The following CBL variants were observed in gnomAD, a reference collection of about 807,000 sequenced individuals.
The protein encoded by CBL is E3 ubiquitin-protein ligase CBL.
In CBL, 45 loss-of-function variants were observed where a neutral mutation model predicts 96.9. The observed-to-expected ratio is 0.46, with a 90% CI of 0.37 to 0.60. CBL has a LOEUF of 0.60. CBL is among the 20% of genes least tolerant of loss of function. CBL has a pLI of 0.00. For missense variants in CBL, 1,024 were observed against 1,143.5 expected (o/e 0.90, Z 1.51); for synonymous variants, 420 against 426.8 (o/e 0.98, Z 0.20).
chr11:119,306,076 T>C lies in CBL; in HGVS notation c.*6295T>C. The C allele has an allele frequency of 2.6e-6, 1 of 388,856 alleles. No homozygotes were observed. 24.1% of individuals were successfully genotyped at this position (388,856 alleles called of 1,614,324 possible). ...TTGGTTCCAGTGGGAAATACCAGTA[T>C]TTCTTGGTTCTGGAAAGTAGCAAAA... On this transcript the variant is annotated 3_prime_UTR_variant, in exon 16 of 16. Transcript: ENST00000264033.
intron 1 of CBL, among the ~76,000 whole-genome samples, chr11:119,223,668 C>A (rs576159583): frequency 1.3e-5 from 2 of 151,900 alleles, no homozygotes; most frequent in South Asian, 4.2e-4. Context: ...CTCTCTGTTG[C>A]CAGGCTGGAG....
Position 119,217,648 on chromosome 11 carries a change from G to C in CBL, c.195+11036G>C, listed in dbSNP as rs531038240. On this transcript the variant is annotated intron_variant, in intron 1 of 15. Transcript: ENST00000264033. ...GTACCAGACTTGATATAGGAAGGCT[G>C]TATGCCACAGTTGCTTTTATTTTGG... is the stretch of plus-strand genomic sequence containing the variant. 1.1e-4 allele frequency among the ~76,000 whole-genome samples: 17 copies of C among 152,228 alleles called. No homozygotes were observed. In the East Asian group the frequency reaches 3.3e-3, roughly 29 times the overall value.
chr11:119,283,304 T>A (rs1949952434), intron 9 of CBL, among the ~76,000 whole-genome samples: 1 of 152,250 alleles, frequency 6.6e-6, no homozygotes, highest in African/African-American at 2.4e-5. Context: ...CCCGTTATCT[T>A]AAGCATGTGG....
intron 2 of CBL, among the ~76,000 whole-genome samples, chr11:119,254,335 T>C: frequency 6.6e-6 from 1 of 152,228 alleles, no homozygotes. Flanking sequence ...AACCATGTAT[T>C]GCTAACGACA....
intron 1 of CBL, among the ~76,000 whole-genome samples, chr11:119,214,286 G>A (rs1384656041): frequency 2.6e-5 from 4 of 151,264 alleles, no homozygotes; most frequent in Admixed American, 6.6e-5. Flanking sequence ...TGTCACCCAG[G>A]CTGGCGTACA....
intron 2 of CBL, among the ~76,000 whole-genome samples, chr11:119,261,359 G>A (rs1949752561): frequency 6.6e-6 from 1 of 152,004 alleles, no homozygotes; most frequent in Admixed American, 6.6e-5. Context: ...ATTTGTTCAG[G>A]GAAATGCTAT....
intron 2 of CBL, among the ~76,000 whole-genome samples, chr11:119,254,051 A>G (rs1208067316): frequency 6.7e-6 from 1 of 150,300 alleles, no homozygotes; most frequent in Non-Finnish European, 1.5e-5. Flanking sequence ...GAAAGGGGAA[A>G]GTGTTATCAA....
rs2135301576 is a variant in CBL, at chr11:119,276,099, C to T, written c.972C>T (p.Leu324=). 2 of 1,614,030 alleles carry T rather than the reference C, an allele frequency of 1.2e-6. No individual in the cohort carries two copies. The highest frequency in any genetic ancestry group is 1.7e-6 in the Non-Finnish European group (2 of 1,179,938). ...ILQTIPHNKP[L]FQALIDGFRE... ...AGACAATCCCTCACAATAAACCTCT[C>T]TTCCAAGCACTGATTGATGGCTTCA... Residue 324 remains leucine (L), a synonymous_variant, in exon 6 of 16, where the codon CTC becomes CTT. Transcript: ENST00000264033.
intron 4 of CBL, 62 bp downstream of exon 4, chr11:119,274,086 TTTTTTTTTTTTTAAA>T: frequency 7.8e-7 from 1 of 1,275,398 alleles, no homozygotes; most frequent in Non-Finnish European, 1.1e-6. Context: ...GAAAGCTTTT[TTTTTTTTTTTTTAAA>T]TAACATTTGG....
chr11:119,287,067 A>C (rs999962234), intron 11 of CBL, among the ~76,000 whole-genome samples: 2 of 152,206 alleles, frequency 1.3e-5, no homozygotes, highest in Non-Finnish European at 2.9e-5. Context: ...AGGAAAAAGC[A>C]AGTGAGTTTG....
At chr11:119,229,609 A>C (rs960377795) in intron 1 of CBL, among the ~76,000 whole-genome samples, 2 of 152,148 alleles carry the variant, frequency 1.3e-5, no homozygotes, top group Admixed American at 6.6e-5. Context: ...TTTTTCTCAA[A>C]AACAACAACA....
At chr11:119,214,833 G>T (rs1290024170) in intron 1 of CBL, among the ~76,000 whole-genome samples, 1 of 150,222 alleles carries the variant, frequency 6.7e-6, no homozygotes, top group African/African-American at 2.5e-5. Context: ...TAGGACCAAG[G>T]CTTTGTCTTA....
intron 2 of CBL, among the ~76,000 whole-genome samples, chr11:119,257,934 A>G (rs994226287): frequency 5.3e-5 from 8 of 152,132 alleles, no homozygotes; most frequent in Non-Finnish European, 4.4e-5. Context: ...CTGCCATAAA[A>G]AAATACTTGT....
At chr11:119,264,892 T>A in intron 2 of CBL, among the ~76,000 whole-genome samples, 1 of 152,194 alleles carries the variant, frequency 6.6e-6, no homozygotes, top group East Asian at 1.9e-4. Flanking sequence ...TATTATTATT[T>A]TTTTAAGACA....
At chr11:119,290,945 T>TG (rs1950022642) in intron 12 of CBL, among the ~76,000 whole-genome samples, 1 of 152,104 alleles carries the variant, frequency 6.6e-6, no homozygotes, top group Non-Finnish European at 1.5e-5. Flanking sequence ...CCCAAGGTGC[T>TG]GGGATTTATA....
At chr11:119,284,338 C>T (rs1333684437) in intron 9 of CBL, among the ~76,000 whole-genome samples, 1 of 152,068 alleles carries the variant, frequency 6.6e-6, no homozygotes, top group Non-Finnish European at 1.5e-5. Context: ...CAGGCTCTTG[C>T]TCTGTTGCCC....
At chr11:119,226,595 C>T (rs1337925594) in intron 1 of CBL, among the ~76,000 whole-genome samples, 3 of 151,898 alleles carry the variant, frequency 2.0e-5, no homozygotes, top group African/African-American at 7.3e-5. Context: ...GTAGCTGGGA[C>T]TCCAGGTGTG....
Position 119,208,611 on chromosome 11 carries a change from G to A in CBL, c.195+1999G>A, listed in dbSNP as rs139407090. On this transcript the variant is annotated intron_variant, in intron 1 of 15. Coordinates refer to ENST00000264033, the MANE Select transcript of CBL (RefSeq NM_005188.4). ...TCATCATGTTGACCAGGCTCGTCTC[G>A]AACTCCTGACCTCAGGTGATCCATG... Among the ~76,000 whole-genome samples, 827 of 151,996 alleles carry A rather than the reference G, an allele frequency of 5.4e-3. 4 individuals are homozygous for A. The highest frequency in any genetic ancestry group is 0.017 in the African/African-American group (722 of 41,430).
At chr11:119,225,726 T>TTTC (rs1555226229) in intron 1 of CBL, among the ~76,000 whole-genome samples, 1 of 142,834 alleles carries the variant, frequency 7.0e-6, no homozygotes, top group South Asian at 2.3e-4. Flanking sequence ...AATATTTTCT[T>TTTC]TTTTTTTTTT....
Sources: allele counts gnomAD v4.1 joint callset (sites outside exome capture counted in the v4.1 genomes callset), GRCh38; gene constraint gnomAD v4.1.1; transcripts MANE v1.5; gene names NCBI Gene and HGNC (gene_info 2026-07-23, HGNC 2026-07-21).